DLC1: variants seen among roughly 807,000 people sequenced by gnomAD.
The protein encoded by DLC1 is DLC1 Rho GTPase activating protein.
In DLC1, 54 loss-of-function variants were observed where a neutral mutation model predicts 140.3. The observed-to-expected ratio is 0.38, with a 90% CI of 0.31 to 0.48. DLC1 has a LOEUF of 0.48. Ranked by LOEUF, DLC1 falls within the 20% of genes least tolerant of loss-of-function variation. DLC1 has a pLI of 0.96. For missense variants in DLC1, 2,536 were observed against 1,907.0 expected (o/e 1.33, Z -6.14); for synonymous variants, 986 against 728.1 (o/e 1.35, Z -5.70).
At chr8:13,126,917 T>C (rs1821630852) in intron 5 of DLC1, among the ~76,000 whole-genome samples, 2 of 152,212 alleles carry the variant, frequency 1.3e-5, no homozygotes, top group South Asian at 4.1e-4. Context: ...TGCTCACCCA[T>C]ATTTTCGTCC....
intron 2 of DLC1, among the ~76,000 whole-genome samples, chr8:13,410,038 G>T (rs895297486): frequency 2.2e-4 from 34 of 151,728 alleles, no homozygotes; most frequent in Admixed American, 2.1e-3. Context: ...TCTCACCTAG[G>T]GTAATTCCAC....
intron 1 of DLC1, among the ~76,000 whole-genome samples, chr8:13,584,906 C>T (rs2117454931): frequency 6.6e-6 from 1 of 152,266 alleles, no homozygotes; most frequent in East Asian, 1.9e-4. Flanking sequence ...TATTATTTTC[C>T]TCCCCTCTTA....
At chr8:13,397,381 G>C (rs763026921) in intron 3 of DLC1, among the ~76,000 whole-genome samples, 2 of 152,142 alleles carry the variant, frequency 1.3e-5, no homozygotes, top group African/African-American at 2.4e-5. Context: ...AGGAAAAATG[G>C]AGAGCAGCCA....
At chr8:13,404,354 G>A (rs1217221118) in intron 2 of DLC1, among the ~76,000 whole-genome samples, 1 of 152,088 alleles carries the variant, frequency 6.6e-6, no homozygotes, top group Non-Finnish European at 1.5e-5. Flanking sequence ...CTGCAGGGTT[G>A]GAAGAAATGT....
In DLC1 at chr8:13,086,442, G is replaced by A. The variant is rs1173860388; in HGVS notation, c.4314C>T (p.Pro1438=). The A allele has an allele frequency of 6.2e-7, 1 of 1,614,072 alleles. No homozygotes were observed. The highest frequency in any genetic ancestry group is 8.5e-7 in the Non-Finnish European group (1 of 1,180,012). ...VVLRTWRTNL[P]KGACALLLTS... ...TTAGTAAAAGGGCACAGGCTCCTTT[G>A]GGTAAATTAGTCCTCCAGGTTCTGT... Residue 1438 remains proline (P), a synonymous_variant, in exon 17 of 18, where the codon CCC becomes CCT. Transcript: ENST00000276297.
intron 5 of DLC1, among the ~76,000 whole-genome samples, chr8:13,299,169 G>A (rs1366529159): frequency 1.3e-5 from 2 of 151,958 alleles, no homozygotes; most frequent in African/African-American, 2.4e-5. Flanking sequence ...GTGGATGGGT[G>A]GGGTGGCTCA....
At position 13,312,386 on chromosome 8, in the gene DLC1, A is replaced by AAAAATAATAAT. The variant is rs71207139; in HGVS notation, c.1315-7085_1315-7084insATTATTATTTT. ...AAAAAAAAAAAAAAAAAAAAAAAAA[A>AAAAATAATAAT]AATAATTTCTTTAGCAAGCTAGATA... On this transcript the variant is annotated intron_variant, in intron 4 of 17. Transcript: ENST00000276297. Among the ~76,000 whole-genome samples the AAAAATAATAAT allele has an allele frequency of 4.9e-4, 40 of 81,700 alleles. 2 individuals are homozygous for AAAAATAATAAT. The highest frequency in any genetic ancestry group is 1.3e-3 in the African/African-American group (29 of 22,408). The allele number at this position is 81,700 out of a possible 152,430, so 53.6% of individuals were successfully genotyped here.
chr8:13,261,574 A>C (rs1283612555), intron 5 of DLC1, among the ~76,000 whole-genome samples: 1 of 152,132 alleles, frequency 6.6e-6, no homozygotes, highest in Non-Finnish European at 1.5e-5. Flanking sequence ...TGGGGAGGCC[A>C]GTTGAGGAGT....
At chr8:13,334,342 G>A (rs1055981039) in intron 4 of DLC1, among the ~76,000 whole-genome samples, 5 of 152,160 alleles carry the variant, frequency 3.3e-5, no homozygotes, top group South Asian at 4.1e-4. Context: ...AGAGGGACAA[G>A]AGGTCAGGGA....
chr8:13,350,718 A>AAATAAATAAATAAAT lies in DLC1; in HGVS notation c.1314+42834_1314+42835insATTTATTTATTTATT, dbSNP rs1563274782. 1.4e-3 allele frequency among the ~76,000 whole-genome samples: 219 copies of AAATAAATAAATAAAT among 152,088 alleles called. 1 individual carries two copies. The highest frequency in any genetic ancestry group is 5.2e-3 in the African/African-American group (215 of 41,450). On this transcript the variant is annotated intron_variant, in intron 4 of 17. Coordinates refer to ENST00000276297, the MANE Select transcript of DLC1 (RefSeq NM_182643.3). Reference sequence around the variant, plus strand: ...GCCATGGAGCAAGACTCGATCTTAAAAAATAAATAAATAAATAAATATAAA... The same window carrying AAATAAATAAATAAAT: ...GCCATGGAGCAAGACTCGATCTTAAAAATAAATAAATAAATAAATAAATAAATAAATAAATATAAA...
intron 4 of DLC1, among the ~76,000 whole-genome samples, chr8:13,366,306 T>C (rs1019694063): frequency 1.3e-5 from 2 of 152,318 alleles, no homozygotes; most frequent in Non-Finnish European, 2.9e-5. Flanking sequence ...AGAAAATGTC[T>C]GTTGAGCATC....
chr8:13,579,000 C>A (rs542269953), intron 1 of DLC1, among the ~76,000 whole-genome samples: 2 of 151,774 alleles, frequency 1.3e-5, no homozygotes, highest in Admixed American at 1.3e-4. Flanking sequence ...AACCGGCTCC[C>A]ATTCCGAGGC....
chr8:13,557,075 A>C (rs1441837485), intron 1 of DLC1, among the ~76,000 whole-genome samples: 2 of 152,212 alleles, frequency 1.3e-5, no homozygotes, highest in Admixed American at 1.3e-4. Flanking sequence ...ACTGAGTATG[A>C]GACAGGGGAA....
In DLC1 at chr8:13,393,713, C is replaced by G. The variant is rs754205528; in HGVS notation, c.1174-20G>C. On this transcript the variant is annotated intron_variant, in intron 3 of 17. Coordinates refer to ENST00000276297, the MANE Select transcript of DLC1 (RefSeq NM_182643.3). ...CAGATCCTATTAAAAAACAAATGCA[C>G]TGGTATGAAGGACATGTGAATGTTC... 6.2e-7 allele frequency: 1 copy of G among 1,608,168 alleles called. No individual in the cohort carries two copies. The highest frequency in any genetic ancestry group is 8.5e-7 in the Non-Finnish European group (1 of 1,177,578).
At chr8:13,383,017 A>G (rs1379292071) in intron 4 of DLC1, among the ~76,000 whole-genome samples, 1 of 152,232 alleles carries the variant, frequency 6.6e-6, no homozygotes, top group Non-Finnish European at 1.5e-5. Flanking sequence ...GCTTGGCTCA[A>G]AAGTTCAGAG....
chr8:13,194,209 G>A (rs920978986), intron 5 of DLC1, among the ~76,000 whole-genome samples: 4 of 152,124 alleles, frequency 2.6e-5, no homozygotes, highest in Admixed American at 6.5e-5. Flanking sequence ...GTCCTCAAGC[G>A]GGGACATTCA....
In DLC1 at chr8:13,383,523, C is replaced by G. The variant is rs148989940; in HGVS notation, c.1314+10030G>C. Among the ~76,000 whole-genome samples the G allele has an allele frequency of 1.1e-3, 167 of 152,260 alleles. 1 individual carries two copies. Among genetic ancestry groups the G allele is most frequent in the African/African-American group, 3.5e-3 (147 of 41,562 alleles). ...GGGGGCCATTTGGAGCAGGCTAGTG[C>G]TTTTGCTTGCATTAGAGACATGGCA... On this transcript the variant is annotated intron_variant, in intron 4 of 17. Transcript: ENST00000276297.
At chr8:13,551,836 GTA>G (rs1404124265) in intron 1 of DLC1, among the ~76,000 whole-genome samples, 1 of 142,530 alleles carries the variant, frequency 7.0e-6, no homozygotes, top group Non-Finnish European at 1.6e-5. Context: ...TGTATGACAG[GTA>G]TATATATGCA....
chr8:13,529,004 G>A (rs959578688), intron 1 of DLC1, among the ~76,000 whole-genome samples: 2 of 152,128 alleles, frequency 1.3e-5, no homozygotes, highest in Non-Finnish European at 2.9e-5. Flanking sequence ...ATGCCAAGAC[G>A]ATTATTTCCT....
Sources: allele counts gnomAD v4.1 joint callset (sites outside exome capture counted in the v4.1 genomes callset), GRCh38; gene constraint gnomAD v4.1.1; transcripts MANE v1.5; gene names NCBI Gene and HGNC (gene_info 2026-07-23, HGNC 2026-07-21).